Variants in NBAS observed in about 807,000 individuals in gnomAD.
NBAS encodes the protein NBAS subunit of NRZ tethering complex.
Under a neutral mutation model 302.5 loss-of-function variants are expected in NBAS, and 219 were observed. That is an observed-to-expected ratio of 0.72 (90% confidence interval 0.65 to 0.81). The LOEUF is 0.81. NBAS is among the 30% of genes least tolerant of loss of function. The pLI, the probability that NBAS is intolerant of heterozygous loss-of-function variation, is 0.00. For synonymous variants in NBAS, 1,118 were observed against 1,021.6 expected (o/e 1.09, Z -1.80); for missense variants, 2,932 against 2,841.6 (o/e 1.03, Z -0.72).
intron 24 of NBAS, among the ~76,000 whole-genome samples, chr2:15,416,914 T>A (rs1031759429): frequency 1.3e-5 from 2 of 151,966 alleles, no homozygotes; most frequent in African/African-American, 4.8e-5. Flanking sequence ...ATCATGCAGT[T>A]GTGACTCTGC....
chr2:15,250,511 T>C (rs1475322811), intron 44 of NBAS, among the ~76,000 whole-genome samples: 1 of 152,146 alleles, frequency 6.6e-6, no homozygotes, highest in Non-Finnish European at 1.5e-5. Flanking sequence ...GAAACTATCA[T>C]CAGAGTGAAC....
the NBAS span, among the ~76,000 whole-genome samples, chr2:14,809,704 T>C: frequency 6.6e-6 from 1 of 152,144 alleles, no homozygotes; most frequent in Non-Finnish European, 1.5e-5. Context: ...CTGGTGGAGC[T>C]GTGAGAAGAG....
At chr2:15,018,708 GA>G in the NBAS span, among the ~76,000 whole-genome samples, 1 of 151,200 alleles carries the variant, frequency 6.6e-6, no homozygotes, top group East Asian at 2.0e-4. Context: ...AAGGTAGTTT[GA>G]AAACCATTTC....
chr2:15,099,957 T>A, the NBAS span, among the ~76,000 whole-genome samples: 1 of 152,194 alleles, frequency 6.6e-6, no homozygotes, highest in African/African-American at 2.4e-5. Flanking sequence ...AAAATGACTA[T>A]TAGAACACAT....
chr2:15,057,342 C>A, the NBAS span, among the ~76,000 whole-genome samples: 1 of 145,480 alleles, frequency 6.9e-6, no homozygotes, highest in Admixed American at 6.9e-5. Context: ...TGCAGGATAG[C>A]TGAGTGATTG....
chr2:14,959,315 C>T, the NBAS span, among the ~76,000 whole-genome samples: 24 of 152,182 alleles, frequency 1.6e-4, no homozygotes, highest in Non-Finnish European at 3.2e-4. Flanking sequence ...GAAGAATCAT[C>T]GTATTAACCC....
At chr2:15,448,507 C>G (rs1429345027) in intron 21 of NBAS, among the ~76,000 whole-genome samples, 1 of 152,178 alleles carries the variant, frequency 6.6e-6, no homozygotes. Context: ...AGACGTACGT[C>G]CCTGTTTCTG....
At chr2:14,786,527 G>T in the NBAS span, among the ~76,000 whole-genome samples, 27 of 152,046 alleles carry the variant, frequency 1.8e-4, no homozygotes, top group African/African-American at 6.5e-4. Context: ...TTGTGTCTTT[G>T]TTCTCGTTGG....
intron 48 of NBAS, among the ~76,000 whole-genome samples, chr2:15,212,572 C>A (rs566826763): frequency 1.3e-5 from 2 of 152,248 alleles, no homozygotes; most frequent in Non-Finnish European, 2.9e-5. Context: ...TATCACAGTA[C>A]CTGATATGTT....
At chr2:15,539,444 C>G (rs781110654) in intron 6 of NBAS, 88 bp from the exon 7 acceptor site, 6 of 1,457,854 alleles carry the variant, frequency 4.1e-6, no homozygotes, top group Non-Finnish European at 5.7e-6. Context: ...AGTAAGTATT[C>G]AAGTACAATA....
chr2:15,475,495 T>A (rs535915182), intron 14 of NBAS, among the ~76,000 whole-genome samples, 192 bp downstream of exon 14: 6 of 152,236 alleles, frequency 3.9e-5, no homozygotes, highest in African/African-American at 1.4e-4. Context: ...TGACAACAAA[T>A]TTTCTTCATT....
the NBAS span, among the ~76,000 whole-genome samples, chr2:14,806,133 A>C: frequency 6.6e-6 from 1 of 152,142 alleles, no homozygotes; most frequent in Non-Finnish European, 1.5e-5. Context: ...TTTCTAATTC[A>C]GTAGGTCTGA....
rs1321029141 is a variant in NBAS at position 15,356,363 on chromosome 2, C to T, written c.3871G>A (p.Ala1291Thr). The change falls in exon 33 of 52, where the codon GCA (alanine) becomes ACA (threonine). Residue 1291 changes from alanine to threonine, a missense_variant. By Grantham distance (58) the Ala-to-Thr change is moderately conservative. Transcript: ENST00000281513. ...GCTTTGTAGTCATGGAAGCGAAGTG[C>T]CTGCTCCACTAAAAGGATTAGAACC... The part of the protein sequence containing the change: ...GQVLILLVEQ[A>T]LRFHDYKAAS... The T allele has an allele frequency of 3.7e-6, 6 of 1,613,896 alleles. No individual in the cohort carries two copies. The highest frequency in any genetic ancestry group is 1.7e-4 in the Middle Eastern group (1 of 6,060).
chr2:15,146,733 T>C, the NBAS span, among the ~76,000 whole-genome samples: 2 of 152,110 alleles, frequency 1.3e-5, no homozygotes, highest in Non-Finnish European at 2.9e-5. Context: ...ATAGATGGTA[T>C]AGGTCTGGCC....
At chr2:14,967,322 T>C in the NBAS span, among the ~76,000 whole-genome samples, 42 of 152,142 alleles carry the variant, frequency 2.8e-4, no homozygotes, top group African/African-American at 9.4e-4. Flanking sequence ...ATTCTAAGGA[T>C]CTAGAATAGA....
At chr2:15,430,515 T>C (rs1487354205) in intron 21 of NBAS, among the ~76,000 whole-genome samples, 1 of 152,222 alleles carries the variant, frequency 6.6e-6, no homozygotes, top group African/African-American at 2.4e-5. Flanking sequence ...TAACATAAAA[T>C]GTCTCAATTT....
the NBAS span, among the ~76,000 whole-genome samples, chr2:15,119,303 C>CTTTTTTTT: frequency 9.3e-6 from 1 of 107,766 alleles, no homozygotes; most frequent in Non-Finnish European, 1.9e-5. Context: ...GAAATCCTTT[C>CTTTTTTTT]TTTTTTTTTT....
the NBAS span, among the ~76,000 whole-genome samples, chr2:14,798,151 G>T: frequency 6.6e-6 from 1 of 152,128 alleles, no homozygotes; most frequent in East Asian, 1.9e-4. Context: ...TGAAGAGAAT[G>T]GACATGGCCT....
At chr2:14,888,256 G>C in the NBAS span, among the ~76,000 whole-genome samples, 1 of 152,120 alleles carries the variant, frequency 6.6e-6, no homozygotes, top group Non-Finnish European at 1.5e-5. Context: ...TCAGCTTCCT[G>C]AGTAGCTTGG....
Sources: allele counts gnomAD v4.1 joint callset (sites outside exome capture counted in the v4.1 genomes callset), GRCh38; gene constraint gnomAD v4.1.1; transcripts MANE v1.5; gene names NCBI Gene and HGNC (gene_info 2026-07-23, HGNC 2026-07-21).